EMSY: variants seen among roughly 807,000 people sequenced by gnomAD.
The protein encoded by EMSY is BRCA2-interacting transcriptional repressor EMSY.
EMSY carries 26 observed loss-of-function variants against 134.6 expected under a neutral mutation model. The observed-to-expected ratio is 0.19, with a 90% confidence interval of 0.14 to 0.27. The LOEUF is 0.27. Ranked by LOEUF, EMSY falls within the 10% of genes least tolerant of loss-of-function variation. The probability of loss-of-function intolerance (pLI) is 1.00; values close to 1 mark genes in which losing one functional copy is unlikely to be tolerated. For synonymous variants in EMSY, 579 were observed against 577.8 expected (o/e 1.00, Z -0.03); for missense variants, 1,305 against 1,611.4 (o/e 0.81, Z 3.26).
chr11:76,524,105 G>A (rs898182491), intron 12 of EMSY, among the ~76,000 whole-genome samples: 10 of 152,074 alleles, frequency 6.6e-5, no homozygotes, highest in African/African-American at 1.4e-4. Context: ...AAGGCAGTTG[G>A]TAGGAGGGTT....
At chr11:76,514,192 A>T (rs1252436772) in intron 10 of EMSY, among the ~76,000 whole-genome samples, 2 of 152,202 alleles carry the variant, frequency 1.3e-5, no homozygotes, top group African/African-American at 4.8e-5. Context: ...TTTAAATGGG[A>T]TAATAATACC....
At chr11:76,550,344 A>T (rs909178809) in exon 21 of EMSY, 46 of 338,486 alleles carry the variant, frequency 1.4e-4, no homozygotes, top group African/African-American at 8.3e-4. Context: ...GTACTTTTTT[A>T]AAAAAAAATG....
chr11:76,534,123 C>T (rs959292673), intron 14 of EMSY, among the ~76,000 whole-genome samples: 14 of 152,134 alleles, frequency 9.2e-5, no homozygotes, highest in African/African-American at 3.1e-4. Context: ...ATTTGTTTTC[C>T]CTTTTTCCTA....
intron 8 of EMSY, among the ~76,000 whole-genome samples, chr11:76,482,436 A>G (rs1204488531): frequency 1.3e-5 from 2 of 152,208 alleles, no homozygotes; most frequent in Non-Finnish European, 1.5e-5. Flanking sequence ...CAGAAGGTGG[A>G]TATTAACAAA....
intron 9 of EMSY, among the ~76,000 whole-genome samples, chr11:76,505,727 G>A (rs1021811541): frequency 7.2e-5 from 11 of 151,794 alleles, no homozygotes; most frequent in African/African-American, 2.7e-4. Context: ...CGTGGTGGCA[G>A]GCGCCTGTAG....
At chr11:76,497,865 G>T (rs1008446579) in intron 9 of EMSY, among the ~76,000 whole-genome samples, 4 of 151,348 alleles carry the variant, frequency 2.6e-5, no homozygotes, top group African/African-American at 9.7e-5. Context: ...ACTTTCTTTA[G>T]GTTTATTTTG....
chr11:76,509,208 C>T (rs1950185496), intron 9 of EMSY, among the ~76,000 whole-genome samples: 1 of 152,022 alleles, frequency 6.6e-6, no homozygotes, highest in African/African-American at 2.4e-5. Flanking sequence ...TAGACTTACT[C>T]GACGTGGGGT....
At chr11:76,526,698 G>T in intron 13 of EMSY, 63 bp downstream of exon 14, 2 of 1,427,488 alleles carry the variant, frequency 1.4e-6, no homozygotes, top group Non-Finnish European at 1.9e-6. Flanking sequence ...TATAATTCCC[G>T]GGTAGAAATT....
intron 8 of EMSY, 36 bp from the exon 10 acceptor site, chr11:76,496,179 T>A (rs994669008): frequency 6.4e-7 from 1 of 1,568,212 alleles, no homozygotes; most frequent in Non-Finnish European, 8.6e-7. Context: ...TTTGCTTTCC[T>A]ATCAAATTCT....
chr11:76,469,078 A>G (rs1948471539), intron 7 of EMSY, among the ~76,000 whole-genome samples: 1 of 152,218 alleles, frequency 6.6e-6, no homozygotes, highest in Admixed American at 6.5e-5. Flanking sequence ...TGAAATCTCA[A>G]AATAGATCTT....
intron 7 of EMSY, among the ~76,000 whole-genome samples, chr11:76,470,239 AAC>A (rs1158525116): frequency 1.3e-5 from 2 of 152,170 alleles, no homozygotes; most frequent in African/African-American, 4.8e-5. Flanking sequence ...GATTTTTCAA[AAC>A]AGTTTTTCTT....
At chr11:76,516,403 C>A (rs1950453110) in intron 11 of EMSY, 91 bp downstream of exon 12, 2 of 965,010 alleles carry the variant, frequency 2.1e-6, no homozygotes, top group Non-Finnish European at 2.9e-6. Flanking sequence ...TATTTGATCT[C>A]AATTTTTTGC....
chr11:76,460,174 A>T (rs1948051477), intron 6 of EMSY, 89 bp downstream of exon 7: 2 of 1,438,720 alleles, frequency 1.4e-6, no homozygotes, highest in Non-Finnish European at 9.7e-7. Context: ...GGATTAAATC[A>T]TTGGTCCACT....
chr11:76,524,828 AG>A (rs1389063089), intron 12 of EMSY, among the ~76,000 whole-genome samples: 2 of 152,214 alleles, frequency 1.3e-5, no homozygotes, highest in Non-Finnish European at 2.9e-5. Flanking sequence ...GTTTGAGACC[AG>A]CCTGAGCAAC....
chr11:76,483,486 G>A lies in EMSY; in HGVS notation c.1108+10646G>A, dbSNP rs57215340. On this transcript the variant is annotated intron_variant, in intron 8 of 20. Coordinates refer to ENST00000334736, the Ensembl canonical transcript of EMSY. ...ATTGGATAGAGAGTCAAGACCCATC[G>A]GTGTGCTGTATTCAGGAGACCCATC... is the stretch of plus-strand genomic sequence containing the variant. Among the ~76,000 whole-genome samples, 340 of 152,132 alleles carry A rather than the reference G, an allele frequency of 2.2e-3. 5 individuals carry two copies. The highest frequency in any genetic ancestry group is 7.8e-3 in the African/African-American group (322 of 41,510).
At chr11:76,452,248 T>A (rs1565269833) in intron 3 of EMSY, among the ~76,000 whole-genome samples, 1 of 151,948 alleles carries the variant, frequency 6.6e-6, no homozygotes, top group Non-Finnish European at 1.5e-5. Context: ...ATAAGGGAGG[T>A]GCTTTTGACA....
chr11:76,473,728 G>A (rs142817584), intron 8 of EMSY, among the ~76,000 whole-genome samples: 5 of 152,194 alleles, frequency 3.3e-5, no homozygotes, highest in African/African-American at 7.2e-5. Flanking sequence ...AGTGGCTCAC[G>A]CCTGTAATCC....
chr11:76,540,137 A>G (rs1951379879), intron 17 of EMSY, among the ~76,000 whole-genome samples: 1 of 152,222 alleles, frequency 6.6e-6, no homozygotes, highest in Non-Finnish European at 1.5e-5. Context: ...TCTTTTTAAA[A>G]TCCATTTCAC....
Position 76,543,264 on chromosome 11 carries a change from C to T in EMSY, c.2709+897C>T, listed in dbSNP as rs186858572. On this transcript the variant is annotated intron_variant, in intron 18 of 20. Coordinates refer to ENST00000334736, the Ensembl canonical transcript of EMSY. ...GGCAAACTACTGGAAAGAAAGGCAACGGAGAATGTTGAATTGAAAGCCTGT... is the reference window on the plus strand; with the variant it reads ...GGCAAACTACTGGAAAGAAAGGCAATGGAGAATGTTGAATTGAAAGCCTGT... Among the ~76,000 whole-genome samples, 176 of 152,202 alleles carry T rather than the reference C, an allele frequency of 1.2e-3. 1 individual carries two copies. The highest frequency in any genetic ancestry group is 4.1e-3 in the African/African-American group (171 of 41,514).
Sources: allele counts gnomAD v4.1 joint callset (sites outside exome capture counted in the v4.1 genomes callset), GRCh38; gene constraint gnomAD v4.1.1; transcripts MANE v1.5; gene names NCBI Gene and HGNC (gene_info 2026-07-23, HGNC 2026-07-21).